CACNA1G: variants seen among roughly 807,000 people sequenced by gnomAD.
CACNA1G encodes voltage-dependent T-type calcium channel subunit alpha-1G.
Under a neutral mutation model 219.4 loss-of-function variants are expected in CACNA1G, and 67 were observed. That is an observed-to-expected ratio of 0.31 (90% CI 0.25 to 0.37). CACNA1G has a LOEUF of 0.37. Ranked by LOEUF, CACNA1G falls within the 10% of genes least tolerant of loss-of-function variation. The pLI, the probability that CACNA1G is intolerant of heterozygous loss-of-function variation, is 1.00. For missense variants in CACNA1G, 2,380 were observed against 3,231.4 expected (o/e 0.74, Z 6.39); for synonymous variants, 1,296 against 1,345.3 (o/e 0.96, Z 0.80).
At position 50,621,029 on chromosome 17, in the gene CACNA1G, C is replaced by T. The variant is rs1029062643; in HGVS notation, c.5926-631C>T. 3.9e-5 allele frequency among the ~76,000 whole-genome samples: 6 copies of T among 152,170 alleles called. No homozygotes were observed. Among genetic ancestry groups the T allele is most frequent in the Non-Finnish European group, 7.4e-5 (5 of 68,026 alleles). Reference sequence around the variant, plus strand: ...CCCGAGTGCGCCCACTTCAGGCTAACGGGAGAACATCTCCCAGAGCCCAAG... The same window carrying T: ...CCCGAGTGCGCCCACTTCAGGCTAATGGGAGAACATCTCCCAGAGCCCAAG... On this transcript the variant is annotated intron_variant, in intron 34 of 37. Coordinates refer to ENST00000359106, the MANE Select transcript of CACNA1G (RefSeq NM_018896.5). The surrounding 1 kb of genome is among the most constrained non-coding windows in gnomAD (Gnocchi z 4.6).
Position 50,603,216 on chromosome 17 carries a change from C to G in CACNA1G, c.4169+17C>G. 3 of 1,595,590 alleles carry G rather than the reference C, an allele frequency of 1.9e-6. No individual in the cohort carries two copies. Among genetic ancestry groups the G allele is most frequent in the Non-Finnish European group, 2.5e-6 (3 of 1,177,228 alleles). ...CCCGCTCAGGTGACTCCCTCCCCAG[C>G]ACTGGAACACCTCCAAGAGGTGGCC... On this transcript the variant is annotated intron_variant, in intron 21 of 37. Coordinates refer to ENST00000359106, the MANE Select transcript of CACNA1G (RefSeq NM_018896.5). This position sits in a 1 kb window ranked among gnomAD's most constrained non-coding sequence, Gnocchi z 6.4.
chr17:50,605,996 C>T lies in CACNA1G; in HGVS notation c.4395C>T (p.His1465=), dbSNP rs1363609611. The part of the protein sequence containing the change: ...CAEASYRWVR[H]KYNFDNLGQA... ...AGGCCAGTTACCGGTGGGTCCGGCACAAGTACAACTTTGACAACCTTGGCC... is the reference window on the plus strand; with the variant it reads ...AGGCCAGTTACCGGTGGGTCCGGCATAAGTACAACTTTGACAACCTTGGCC... The change falls in exon 23 of 38, where the codon CAC becomes CAT. Residue 1465 remains histidine (H), a synonymous_variant. Transcript: ENST00000359106. 1 of 1,613,762 alleles carries T rather than the reference C, an allele frequency of 6.2e-7. No homozygotes were observed.
Position 50,591,536 on chromosome 17 carries a change from A to C in CACNA1G, c.2555A>C (p.Gln852Pro). 1 of 1,612,242 alleles carries C rather than the reference A, an allele frequency of 6.2e-7. No individual in the cohort carries two copies. The highest frequency in any genetic ancestry group is 8.5e-7 in the Non-Finnish European group (1 of 1,179,366). Residue 852 changes from glutamine (Q) to proline (P), a missense_variant, in exon 11 of 38, where the codon CAG becomes CCG. Physicochemically the swap from Gln to Pro is moderately conservative, Grantham distance 76. Around this residue, in one of 17 missense-constraint regions of CACNA1G, gnomAD observed 82 missense variants for 140.7 expected, o/e 0.58. Coordinates refer to ENST00000359106, the MANE Select transcript of CACNA1G (RefSeq NM_018896.5). ...LKLVRFLPAL[Q>P]RQLVVLMKTM... ...CTGGTGCGCTTCCTGCCGGCGCTGCAGCGGCAGCTGGTGGTGCTCATGAAG... is the reference window on the plus strand; with the variant it reads ...CTGGTGCGCTTCCTGCCGGCGCTGCCGCGGCAGCTGGTGGTGCTCATGAAG...
Position 50,599,481 on chromosome 17 carries a change from C to A in CACNA1G, c.3312C>A (p.Thr1104=). The A allele has an allele frequency of 6.3e-7, 1 of 1,588,832 alleles. No individual in the cohort carries two copies. Among genetic ancestry groups the A allele is most frequent in the Non-Finnish European group, 8.6e-7 (1 of 1,168,728 alleles). Residue 1104 remains threonine, a synonymous_variant, in exon 17 of 38, where the codon ACC becomes ACA. Coordinates refer to ENST00000359106, the MANE Select transcript of CACNA1G (RefSeq NM_018896.5). ...CCTGGAGCGCTGCAAGCAGCTGGACCAGCAGGCGCTCCAGCCGGAACAGCC... is the reference window on the plus strand; with the variant it reads ...CCTGGAGCGCTGCAAGCAGCTGGACAAGCAGGCGCTCCAGCCGGAACAGCC... The part of the protein sequence containing the change: ...HSPWSAASSW[T]SRRSSRNSLG...
Position 50,578,898 on chromosome 17 carries a change from T to G in CACNA1G, c.2301+334T>G, listed in dbSNP as rs1432458226. Among the ~76,000 whole-genome samples the G allele has an allele frequency of 6.6e-6, 1 of 152,016 alleles. No homozygotes were observed. Among genetic ancestry groups the G allele is most frequent in the Non-Finnish European group, 1.5e-5 (1 of 67,992 alleles). ...GGCGCGTCACTGGGAGATGTTTGGG[T>G]CTTTGGAGAAGGTGTAGTGCGGAGG... On this transcript the variant is annotated intron_variant, in intron 9 of 37. Coordinates refer to ENST00000359106, the MANE Select transcript of CACNA1G (RefSeq NM_018896.5). This position sits in a 1 kb window ranked among gnomAD's most constrained non-coding sequence, Gnocchi z 4.5.
At chr17:50,580,010 C>T (rs2041590007) in intron 9 of CACNA1G, among the ~76,000 whole-genome samples, 1 of 152,158 alleles carries the variant, frequency 6.6e-6, no homozygotes, top group Admixed American at 6.5e-5. Context: ...CCCAAGACTG[C>T]TCGACCTGGC....
chr17:50,606,520 G>A (rs563669764), intron 23 of CACNA1G: 120 of 564,574 alleles, frequency 2.1e-4, no homozygotes, highest in African/African-American at 1.9e-3. Flanking sequence ...TGGTGGAAGG[G>A]ACGGATATAT....
Position 50,618,210 on chromosome 17 carries a change from C to T in CACNA1G, c.5306-12C>T, listed in dbSNP as rs1355919314. 1.2e-6 allele frequency: 2 copies of T among 1,613,248 alleles called. No homozygotes were observed. The highest frequency in any genetic ancestry group is 1.7e-5 in the Admixed American group (1 of 60,002). On this transcript the variant is annotated splice_polypyrimidine_tract_variant and intron_variant, in intron 31 of 37. Transcript: ENST00000359106. The surrounding 1 kb of genome is among the most constrained non-coding windows in gnomAD (Gnocchi z 5.3). ...CTAACATGGGCCTCTCCCCCTTTCC[C>T]TCCTCCCCCAGAGTGTGACGAGACA...
intron 7 of CACNA1G, 180 bp downstream of exon 7, chr17:50,573,293 G>A: frequency 5.1e-6 from 3 of 593,434 alleles, no homozygotes; most frequent in Non-Finnish European, 9.1e-6. Context: ...GGAAATCCAA[G>A]GTCAAGGCGG....
intron 25 of CACNA1G, 34 bp from the exon 26 acceptor site, chr17:50,609,848 G>T (rs756306577): frequency 1.2e-6 from 2 of 1,604,590 alleles, no homozygotes; most frequent in African/African-American, 1.3e-5. Context: ...CACCTGGTCC[G>T]GCCAGTGACC....
intron 26 of CACNA1G, among the ~76,000 whole-genome samples, chr17:50,611,266 A>AAT (rs2049144306): frequency 6.6e-6 from 1 of 151,390 alleles, no homozygotes; most frequent in African/African-American, 2.4e-5. Context: ...AAAAAAAAAA[A>AAT]AAAAAGAGAG....
At chr17:50,563,957 G>C (rs943479056) in intron 1 of CACNA1G, among the ~76,000 whole-genome samples, 3 of 152,050 alleles carry the variant, frequency 2.0e-5, no homozygotes, top group Non-Finnish European at 4.4e-5. Context: ...CTCCCCACAG[G>C]CTTCAGGAGG....
chr17:50,619,425 C>G (rs992195587), intron 33 of CACNA1G, among the ~76,000 whole-genome samples: 1 of 152,282 alleles, frequency 6.6e-6, no homozygotes, highest in African/African-American at 2.4e-5. Context: ...TCTCTCTCCC[C>G]CCGCCGTGGG....
In CACNA1G at chr17:50,626,369, C is replaced by T. The variant is rs2053805748; in HGVS notation, c.6752C>T (p.Ala2251Val). ...RDLKKCYSVEAQSCQRRPTSW... is the reference protein window; with the variant it reads ...RDLKKCYSVEVQSCQRRPTSW... ...CTGAAGAAGTGCTACAGCGTGGAGG[C>T]CCAGAGCTGCCAGCGCCGGCCTACG... is the stretch of plus-strand genomic sequence containing the variant. The change falls in exon 38 of 38, where the codon GCC (alanine) becomes GTC (valine). Residue 2251 changes from alanine (A) to valine (V), a missense_variant. Ala to Val is a moderately conservative substitution (Grantham distance 64, BLOSUM62 0). Transcript: ENST00000359106. The surrounding 1 kb of genome is among the most constrained non-coding windows in gnomAD (Gnocchi z 4.3). 1.9e-6 allele frequency: 3 copies of T among 1,612,112 alleles called. No individual in the cohort carries two copies. Among genetic ancestry groups the T allele is most frequent in the African/African-American group, 1.3e-5 (1 of 74,914 alleles).
intron 16 of CACNA1G, among the ~76,000 whole-genome samples, chr17:50,598,705 C>T (rs184658203): frequency 3.3e-5 from 5 of 152,254 alleles, no homozygotes; most frequent in Non-Finnish European, 5.9e-5. Context: ...TGATTAGTGA[C>T]GTTGAGCATT....
rs2051004556 is a variant in CACNA1G, at chr17:50,618,306, G to A, written c.5390G>A (p.Arg1797Gln). Reference protein sequence around the residue: ...NFGMAFLTLFRVSTGDNWNGI... With the variant: ...NFGMAFLTLFQVSTGDNWNGI... The stretch of plus-strand genomic sequence containing the variant: ...GGCATGGCCTTCCTAACCCTCTTCC[G>A]AGTCTCCACAGGTGACAATTGGAAT... The change falls in exon 32 of 38, where the codon CGA becomes CAA. Residue 1797 changes from arginine to glutamine, a missense_variant. Physicochemically the swap from Arg to Gln is conservative, Grantham distance 43. This residue lies in a region of CACNA1G where 123 missense variants were observed against 258.4 expected (regional missense o/e 0.48). Transcript: ENST00000359106. The surrounding 1 kb of genome is among the most constrained non-coding windows in gnomAD (Gnocchi z 5.3). 9 of 1,613,678 alleles carry A rather than the reference G, an allele frequency of 5.6e-6. No individual in the cohort carries two copies. The highest frequency in any genetic ancestry group is 1.7e-5 in the Admixed American group (1 of 59,992).
chr17:50,621,550 G>A lies in CACNA1G; in HGVS notation c.5926-110G>A. 1 of 1,245,882 alleles carries A rather than the reference G, an allele frequency of 8.0e-7. No individual in the cohort carries two copies. 77.2% of individuals were successfully genotyped at this position (1,245,882 alleles called of 1,614,324 possible). On this transcript the variant is annotated intron_variant, in intron 34 of 37. Coordinates refer to ENST00000359106, the MANE Select transcript of CACNA1G (RefSeq NM_018896.5). The surrounding 1 kb of genome is among the most constrained non-coding windows in gnomAD (Gnocchi z 4.6). ...GGATGCCTTTTTCCCGCCCCCCTGT[G>A]CTTCGTGAAAAGGGGGAAGTGGGGA... is the stretch of plus-strand genomic sequence containing the variant.
intron 14 of CACNA1G, among the ~76,000 whole-genome samples, chr17:50,595,808 G>C (rs28688231): frequency 6.6e-6 from 1 of 152,246 alleles, no homozygotes; most frequent in Admixed American, 6.5e-5. Flanking sequence ...TAAAGGCCTC[G>C]TTAGGGCTGT....
chr17:50,618,590 G>A lies in CACNA1G; in HGVS notation c.5428-65G>A, dbSNP rs1222436073. ...CAATGCTCTGTGACACCAGTGACCT[G>A]ATTTTCCACAACAGCTCCAACAACT... On this transcript the variant is annotated intron_variant, in intron 32 of 37. Coordinates refer to ENST00000359106, the MANE Select transcript of CACNA1G (RefSeq NM_018896.5). This position sits in a 1 kb window ranked among gnomAD's most constrained non-coding sequence, Gnocchi z 5.3. 1.5e-6 allele frequency: 2 copies of A among 1,317,984 alleles called. No homozygotes were observed. Among genetic ancestry groups the A allele is most frequent in the Non-Finnish European group, 2.1e-6 (2 of 934,580 alleles). The allele number at this position is 1,317,984 out of a possible 1,614,324, so 81.6% of individuals were successfully genotyped here.
Sources: allele counts gnomAD v4.1 joint callset (sites outside exome capture counted in the v4.1 genomes callset), GRCh38; gene constraint gnomAD v4.1.1; regional missense constraint gnomAD v4.1.1; non-coding constraint Gnocchi (gnomAD v3.1); transcripts MANE v1.5; gene names NCBI Gene and HGNC (gene_info 2026-07-23, HGNC 2026-07-21).